The following VCPIP1 variants were observed in gnomAD, a reference collection of about 807,000 sequenced individuals.
The protein encoded by VCPIP1 is deubiquitinating protein VCPIP1.
A neutral mutation model predicts 85.0 loss-of-function variants in VCPIP1; 8 were observed. The ratio of observed to expected loss-of-function variants is 0.09; its 90% confidence interval spans 0.06 to 0.17. The LOEUF (loss-of-function observed/expected upper bound fraction) is 0.17, where lower values mean the gene tolerates loss of function less well. Ranked by LOEUF, VCPIP1 falls within the 10% of genes least tolerant of loss-of-function variation. The pLI is 1.00. For missense variants in VCPIP1, 1,070 were observed against 1,486.3 expected, an observed-to-expected ratio of 0.72 and a Z score of 4.61; for synonymous variants, 543 against 544.5, an observed-to-expected ratio of 1.00 and a Z score of 0.04.
intron 2 of VCPIP1, among the ~76,000 whole-genome samples, chr8:66,651,185 C>CAAAA (rs896750189): frequency 3.9e-5 from 2 of 51,140 alleles, no homozygotes; most frequent in African/African-American, 1.1e-4. Context: ...AATTCCATCT[C>CAAAA]AAAAAAAAAA....
At chr8:66,648,665 G>A (rs1362457557) in intron 2 of VCPIP1, among the ~76,000 whole-genome samples, 1 of 151,696 alleles carries the variant, frequency 6.6e-6, no homozygotes, top group East Asian at 1.9e-4. Context: ...AGCAATTCTC[G>A]GGTCTCAGCC....
chr8:66,666,730 G>A lies in VCPIP1; in HGVS notation c.229C>T (p.His77Tyr), dbSNP rs1318037801. ...ACCCCCAGCAGCTGTTGCTGCTCGT[G>A]CCGCTGGCCGCACTCGGTACACTCG... ...SIECTECGQRHEQQQLLGVEE... is the reference protein window; with the variant it reads ...SIECTECGQRYEQQQLLGVEE... Residue 77 changes from histidine to tyrosine, a missense_variant, in exon 1 of 3, where the codon CAC becomes TAC. Coordinates refer to ENST00000310421, the MANE Select transcript of VCPIP1 (RefSeq NM_025054.5). The surrounding 1 kb of genome is among the most constrained non-coding windows in gnomAD (Gnocchi z 6.3). 3 of 1,613,956 alleles carry A rather than the reference G, an allele frequency of 1.9e-6. No individual in the cohort carries two copies. Among genetic ancestry groups the A allele is most frequent in the Non-Finnish European group, 2.5e-6 (3 of 1,179,986 alleles).
Position 66,630,025 on chromosome 8 carries a change from C to T in VCPIP1, c.*4476G>A, listed in dbSNP as rs1810818970. On this transcript the variant is annotated 3_prime_UTR_variant, in exon 3 of 3. Transcript: ENST00000310421. Reference sequence around the variant, plus strand: ...ACTATATGTTCATGCATTATAATTCCAGGAAACTAAAGAACATAAAATTAC... The same window carrying T: ...ACTATATGTTCATGCATTATAATTCTAGGAAACTAAAGAACATAAAATTAC... 6.6e-6 allele frequency: 1 copy of T among 151,788 alleles called. No individual in the cohort carries two copies. Among genetic ancestry groups the T allele is most frequent in the African/African-American group, 2.4e-5 (1 of 41,286 alleles). The allele number at this position is 151,788 out of a possible 1,614,324, so 9.4% of individuals were successfully genotyped here.
intron 2 of VCPIP1, among the ~76,000 whole-genome samples, chr8:66,636,931 A>G (rs532514032): frequency 2.0e-4 from 30 of 152,310 alleles, no homozygotes; most frequent in African/African-American, 7.2e-4. Context: ...CAACAGCAGG[A>G]AACAAATATA....
At chr8:66,657,055 G>A (rs897944637) in intron 1 of VCPIP1, among the ~76,000 whole-genome samples, 10 of 151,818 alleles carry the variant, frequency 6.6e-5, no homozygotes, top group South Asian at 2.1e-4. Flanking sequence ...ACAGGTGTGC[G>A]CCACCACTCC....
chr8:66,656,931 A>G (rs1035337184), intron 1 of VCPIP1, among the ~76,000 whole-genome samples: 1 of 151,878 alleles, frequency 6.6e-6, no homozygotes, highest in African/African-American at 2.4e-5. Flanking sequence ...TTTGAGACAG[A>G]ATCTTGCTCT....
chr8:66,641,967 G>A (rs1244004363), intron 2 of VCPIP1, among the ~76,000 whole-genome samples: 1 of 152,176 alleles, frequency 6.6e-6, no homozygotes, highest in Non-Finnish European at 1.5e-5. Flanking sequence ...GAGTAGAACT[G>A]CTGGATCATA....
At chr8:66,662,706 A>G (rs1428866176) in intron 1 of VCPIP1, among the ~76,000 whole-genome samples, 2 of 151,718 alleles carry the variant, frequency 1.3e-5, no homozygotes, top group South Asian at 2.1e-4. Flanking sequence ...TTTTTGAGAC[A>G]GAGTCTCGCT....
chr8:66,651,527 A>G lies in VCPIP1; in HGVS notation c.2728T>C (p.Tyr910His). ...ATLMGEDVWSYAKGLPHMFQQ... is the reference protein window; with the variant it reads ...ATLMGEDVWSHAKGLPHMFQQ... ...AACATGTGAGGAAGTCCCTTTGCAT[A>G]AGACCATACATCTTCTCCTGTAAGA... Residue 910 changes from tyrosine to histidine, a missense_variant, in exon 2 of 3, where the codon TAT becomes CAT. By Grantham distance (83) the Tyr-to-His change is moderately conservative (BLOSUM62 2). This residue lies in a region of VCPIP1 where 46 missense variants were observed against 95.2 expected (regional missense o/e 0.48). Coordinates refer to ENST00000310421, the MANE Select transcript of VCPIP1 (RefSeq NM_025054.5). The G allele has an allele frequency of 6.2e-7, 1 of 1,613,420 alleles. No individual in the cohort carries two copies. Among genetic ancestry groups the G allele is most frequent in the Non-Finnish European group, 8.5e-7 (1 of 1,179,842 alleles).
Position 66,657,457 on chromosome 8 carries a change from G to A in VCPIP1, c.2711-5913C>T, listed in dbSNP as rs556727149. Among the ~76,000 whole-genome samples, 247 of 152,216 alleles carry A rather than the reference G, an allele frequency of 1.6e-3. 1 individual carries two copies. Among genetic ancestry groups the A allele is most frequent in the Non-Finnish European group, 3.0e-3 (207 of 68,006 alleles). On this transcript the variant is annotated intron_variant, in intron 1 of 2. Coordinates refer to ENST00000310421, the MANE Select transcript of VCPIP1 (RefSeq NM_025054.5). ...TTGGCATCTCTCTACCCTTCCTGAC[G>A]TAATCCTCACGTTTAAAAGTTTATC...
In VCPIP1 at chr8:66,664,732, G is replaced by C. The variant is rs943008349; in HGVS notation, c.2227C>G (p.Pro743Ala). 2.9e-5 allele frequency: 46 copies of C among 1,613,604 alleles called. 1 individual carries two copies. Among genetic ancestry groups the C allele is most frequent in the Non-Finnish European group, 3.7e-5 (44 of 1,179,872 alleles). ...ATGGTACTGGGAGAAACAGTCCTGG[G>C]TTGCCCTTTTTGTTCTTGTTTTAAC... Reference protein sequence around the residue: ...EKLKQEQKGQPRTVSPSTIRD... With the variant: ...EKLKQEQKGQARTVSPSTIRD... Residue 743 changes from proline to alanine, a missense_variant, in exon 1 of 3, where the codon CCC becomes GCC. This residue lies in a region of VCPIP1 where 278 missense variants were observed against 298.5 expected (regional missense o/e 0.93). Coordinates refer to ENST00000310421, the MANE Select transcript of VCPIP1 (RefSeq NM_025054.5).
At position 66,639,418 on chromosome 8, in the gene VCPIP1, G is replaced by A. The variant is rs541497472; in HGVS notation, c.2798-4046C>T. On this transcript the variant is annotated intron_variant, in intron 2 of 2. Transcript: ENST00000310421. ...TGCCTAGGCTGGAGTGCAGTGGTGC[G>A]ATCTCGGCTCACTGCAGCCTCCTCC... Among the ~76,000 whole-genome samples the A allele has an allele frequency of 4.2e-5, 6 of 142,562 alleles. No homozygotes were observed. The South Asian group carries it at 1.1e-3, about 27-fold the overall frequency. 93.5% of individuals were successfully genotyped at this position (142,562 alleles called of 152,430 possible).
At chr8:66,645,331 T>C (rs1353887618) in intron 2 of VCPIP1, among the ~76,000 whole-genome samples, 1 of 151,928 alleles carries the variant, frequency 6.6e-6, no homozygotes, top group Non-Finnish European at 1.5e-5. Context: ...GACAGGAGAA[T>C]CGCTTGAACT....
At chr8:66,638,318 T>G (rs909916546) in intron 2 of VCPIP1, among the ~76,000 whole-genome samples, 6 of 150,774 alleles carry the variant, frequency 4.0e-5, no homozygotes, top group Admixed American at 2.0e-4. Flanking sequence ...AGACCTCACC[T>G]CTACAAAAAA....
intron 2 of VCPIP1, 35 bp from the exon 3 acceptor site, chr8:66,635,407 T>C (rs963656669): frequency 1.0e-5 from 16 of 1,532,502 alleles, no homozygotes; most frequent in Non-Finnish European, 1.3e-5. Context: ...CATATTAAAA[T>C]CTTAAGGTAT....
Position 66,666,086 on chromosome 8 carries a change from G to A in VCPIP1, c.873C>T (p.His291=), listed in dbSNP as rs1460184176. Residue 291 remains histidine, a synonymous_variant, in exon 1 of 3, where the codon CAC becomes CAT. Transcript: ENST00000310421. This position sits in a 1 kb window ranked among gnomAD's most constrained non-coding sequence, Gnocchi z 6.3. ...EGVPLGLRNI[H]IFGLANVLHR... is the part of the protein sequence containing the mutation. ...GTAGCACATTGGCAAGACCAAATATGTGGATATTCCTCAGGCCCAAGGGAA... is the reference window on the plus strand; with the variant it reads ...GTAGCACATTGGCAAGACCAAATATATGGATATTCCTCAGGCCCAAGGGAA... 3.1e-6 allele frequency: 5 copies of A among 1,614,178 alleles called. No individual in the cohort carries two copies. Among genetic ancestry groups the A allele is most frequent in the Non-Finnish European group, 4.2e-6 (5 of 1,180,026 alleles).
chr8:66,667,159 G>T lies in VCPIP1; in HGVS notation c.-201C>A. 1.1e-5 allele frequency: 13 copies of T among 1,217,716 alleles called. No individual in the cohort carries two copies. The highest frequency in any genetic ancestry group is 1.4e-5 in the Non-Finnish European group (13 of 922,852). The allele number at this position is 1,217,716 out of a possible 1,614,324, so 75.4% of individuals were successfully genotyped here. A position where few individuals can be genotyped will look rare whatever the true frequency, so the allele number is the denominator to read the frequency against. On this transcript the variant is annotated 5_prime_UTR_variant, in exon 1 of 3. Coordinates refer to ENST00000310421, the MANE Select transcript of VCPIP1 (RefSeq NM_025054.5). ...TTACTTCTCCACTGCCGTAGCCGTT[G>T]CCCCGAACGTAACGGCCACCACCCC...
At chr8:66,639,010 T>C (rs1215268888) in intron 2 of VCPIP1, among the ~76,000 whole-genome samples, 1 of 146,582 alleles carries the variant, frequency 6.8e-6, no homozygotes, top group Non-Finnish European at 1.5e-5. Context: ...GGGGACAGGG[T>C]CTCACTCTGT....
At position 66,634,785 on chromosome 8, in the gene VCPIP1, T is replaced by A. The variant is rs1339808710; in HGVS notation, c.3385A>T (p.Thr1129Ser). The part of the protein sequence containing the change: ...SMDRHLRDQS[T>S]EQSPSDLPQR... ...GGAAGATCAGATGGTGACTGCTCTG[T>A]ACTTTGATCCCGAAGGTGCCTGTCC... Residue 1129 changes from threonine to serine, a missense_variant, in exon 3 of 3, where the codon ACA (threonine) becomes TCA (serine). By Grantham distance (58) the Thr-to-Ser change is moderately conservative. This residue lies in a region of VCPIP1 where 255 missense variants were observed against 289.5 expected (regional missense o/e 0.88). Transcript: ENST00000310421. 1 of 1,614,234 alleles carries A rather than the reference T, an allele frequency of 6.2e-7. No individual in the cohort carries two copies. Among genetic ancestry groups the A allele is most frequent in the East Asian group, 2.2e-5 (1 of 44,890 alleles).
Sources: gnomAD v4.1 joint callset for allele counts (sites outside exome capture counted in the v4.1 genomes callset) on GRCh38, gnomAD v4.1.1 for gene constraint, gnomAD v4.1.1 regional missense constraint, Gnocchi (gnomAD v3.1) non-coding constraint, MANE v1.5 for transcripts, NCBI Gene and HGNC (gene_info 2026-07-23, HGNC 2026-07-21) for gene names.